The following QRICH1 variants were observed in gnomAD, a reference collection of about 807,000 sequenced individuals.
The protein encoded by QRICH1 is transcriptional regulator QRICH1.
QRICH1 carries 16 observed loss-of-function variants against 87.1 expected under a neutral mutation model. That is an observed-to-expected ratio of 0.18 (90% CI 0.12 to 0.28). QRICH1 has a LOEUF of 0.28. Ranked by LOEUF, QRICH1 falls within the 10% of genes least tolerant of loss-of-function variation. The probability of loss-of-function intolerance (pLI) is 1.00; values close to 1 mark genes in which losing one functional copy is unlikely to be tolerated. For missense variants in QRICH1, 647 were observed against 951.7 expected (o/e 0.68, Z 4.21); for synonymous variants, 367 against 368.4 (o/e 1.00, Z 0.05).
intron 2 of QRICH1, among the ~76,000 whole-genome samples, chr3:49,059,076 C>G (rs2093419784): frequency 6.6e-6 from 1 of 151,782 alleles, no homozygotes; most frequent in African/African-American, 2.4e-5. Context: ...ATTCTCCTGC[C>G]TCAGCCTCCC....
Position 49,033,241 on chromosome 3 carries a change from G to A in QRICH1, c.1787-13C>T. The A allele has an allele frequency of 2.7e-6, 4 of 1,495,412 alleles. No homozygotes were observed. The highest frequency in any genetic ancestry group is 3.6e-6 in the Non-Finnish European group (4 of 1,116,426). The allele number at this position is 1,495,412 out of a possible 1,614,324, so 92.6% of individuals were successfully genotyped here. A position where few individuals can be genotyped will look rare whatever the true frequency, so the allele number is the denominator to read the frequency against. ...GGCAAGACATAGCCTAGGAGGAATA[G>A]AGTACTGTCACAACAAGAGGATGGC... On this transcript the variant is annotated splice_polypyrimidine_tract_variant and intron_variant, in intron 6 of 9. Coordinates refer to ENST00000395443, the MANE Select transcript of QRICH1 (RefSeq NM_198880.3).
intron 4 of QRICH1, among the ~76,000 whole-genome samples, 161 bp from the exon 5 acceptor site, chr3:49,046,740 T>C (rs1209710741): frequency 1.3e-5 from 2 of 152,174 alleles, no homozygotes; most frequent in Non-Finnish European, 2.9e-5. Flanking sequence ...AACATGAGTA[T>C]ATGAGCCTAA....
At position 49,033,225 on chromosome 3, in the gene QRICH1, T is replaced by G; in HGVS notation, c.1790A>C (p.Tyr597Ser). ...CTCAGTCACGTGGCTGGGCAAGACATAGCCTAGGAGGAATAGAGTACTGTC... is the reference window on the plus strand; with the variant it reads ...CTCAGTCACGTGGCTGGGCAAGACAGAGCCTAGGAGGAATAGAGTACTGTC... Reference protein sequence around the residue: ...DVQPRVTPLGYVLPSHVTEEM... With the variant: ...DVQPRVTPLGSVLPSHVTEEM... The change falls in exon 7 of 10, where the codon TAT becomes TCT. Residue 597 changes from tyrosine (Y) to serine (S), a missense_variant. Around this residue, in one of 7 missense-constraint regions of QRICH1, gnomAD observed 187 missense variants for 309.5 expected, o/e 0.60. Coordinates refer to ENST00000395443, the MANE Select transcript of QRICH1 (RefSeq NM_198880.3). 6.4e-7 allele frequency: 1 copy of G among 1,554,456 alleles called. No homozygotes were observed. The highest frequency in any genetic ancestry group is 8.7e-7 in the Non-Finnish European group (1 of 1,151,854).
At position 49,070,472 on chromosome 3, in the gene QRICH1, C is replaced by T. The variant is rs150919688; in HGVS notation, c.309+6237G>A. On this transcript the variant is annotated intron_variant, in intron 2 of 9. Transcript: ENST00000395443. ...TGTTTTTTATAGAGACAGGGTCTTG[C>T]ACTTTTGCCCAGGATGGAGTGCAGT... Among the ~76,000 whole-genome samples the T allele has an allele frequency of 2.8e-3, 432 of 152,284 alleles. 7 individuals are homozygous for T. The Middle Eastern group carries it at 0.037, about 13-fold the overall frequency.
At chr3:49,037,073 T>TA (rs60963227) in intron 6 of QRICH1, among the ~76,000 whole-genome samples, 56,171 of 92,420 alleles carry the variant, frequency 0.61, 17,821 homozygotes, top group East Asian at 0.89. Flanking sequence ...CCCCGTCTCT[T>TA]AAAAAAAAAA....
intron 9 of QRICH1, among the ~76,000 whole-genome samples, chr3:49,030,926 A>G (rs1199080855): frequency 1.3e-5 from 2 of 149,808 alleles, no homozygotes; most frequent in Non-Finnish European, 3.0e-5. Flanking sequence ...GACTCATGTG[A>G]GTCTATCCTT....
Position 49,057,023 on chromosome 3 carries a change from T to A in QRICH1, c.1177A>T (p.Ile393Phe). Reference protein sequence around the residue: ...LFPAQFMNGNIHIPVAVQAVA... With the variant: ...LFPAQFMNGNFHIPVAVQAVA... ...GCCTGCACAGCCACTGGAATGTGGA[T>A]GTTGCCATTCATGAACTGTGCTGGA... Residue 393 changes from isoleucine to phenylalanine, a missense_variant, in exon 3 of 10, where the codon ATC becomes TTC. Physicochemically the swap from Ile to Phe is conservative, Grantham distance 21. Transcript: ENST00000395443. The surrounding 1 kb of genome is among the most constrained non-coding windows in gnomAD (Gnocchi z 5.4). 1 of 1,614,184 alleles carries A rather than the reference T, an allele frequency of 6.2e-7. No individual in the cohort carries two copies. The highest frequency in any genetic ancestry group is 8.5e-7 in the Non-Finnish European group (1 of 1,180,026).
intron 9 of QRICH1, among the ~76,000 whole-genome samples, chr3:49,031,129 G>A (rs2093235597): frequency 6.6e-6 from 1 of 151,740 alleles, no homozygotes; most frequent in African/African-American, 2.4e-5. Context: ...TGGAACCATA[G>A]GCACGAGCCA....
Position 49,033,220 on chromosome 3 carries a change from A to C in QRICH1, c.1795T>G (p.Leu599Val). ...QPRVTPLGYVLPSHVTEEMLW... is the reference protein window; with the variant it reads ...QPRVTPLGYVVPSHVTEEMLW... Reference sequence around the variant, plus strand: ...ATCTCCTCAGTCACGTGGCTGGGCAAGACATAGCCTAGGAGGAATAGAGTA... The same window carrying C: ...ATCTCCTCAGTCACGTGGCTGGGCACGACATAGCCTAGGAGGAATAGAGTA... The change falls in exon 7 of 10, where the codon TTG (leucine) becomes GTG (valine). Residue 599 changes from leucine to valine, a missense_variant. Physicochemically the swap from Leu to Val is conservative, Grantham distance 32. This residue lies in a region of QRICH1 where 187 missense variants were observed against 309.5 expected (regional missense o/e 0.60). Coordinates refer to ENST00000395443, the MANE Select transcript of QRICH1 (RefSeq NM_198880.3). The C allele has an allele frequency of 6.4e-7, 1 of 1,562,800 alleles. No homozygotes were observed. The highest frequency in any genetic ancestry group is 8.6e-7 in the Non-Finnish European group (1 of 1,156,342).
chr3:49,046,972 C>G (rs1392695213), intron 4 of QRICH1, 97 bp downstream of exon 4: 1 of 1,394,024 alleles, frequency 7.2e-7, no homozygotes, highest in Admixed American at 2.1e-5. Context: ...CTCTTGTCCC[C>G]AAGACAGGAG....
At chr3:49,045,029 G>A (rs1000240751) in intron 5 of QRICH1, among the ~76,000 whole-genome samples, 1 of 151,878 alleles carries the variant, frequency 6.6e-6, no homozygotes, top group Non-Finnish European at 1.5e-5. Flanking sequence ...CAACCAGTAA[G>A]CCCTATTCTA....
At chr3:49,054,701 T>A (rs2093390748) in intron 3 of QRICH1, among the ~76,000 whole-genome samples, 1 of 152,044 alleles carries the variant, frequency 6.6e-6, no homozygotes, top group South Asian at 2.1e-4. Context: ...GGCCAGGAGT[T>A]CAAGAGCAGC....
chr3:49,070,187 C>A (rs145524827), intron 2 of QRICH1, among the ~76,000 whole-genome samples: 2 of 152,126 alleles, frequency 1.3e-5, no homozygotes, highest in African/African-American at 4.8e-5. Flanking sequence ...TAGGCACCTG[C>A]CAACATGCCC....
chr3:49,068,875 C>T (rs2093483665), intron 2 of QRICH1, among the ~76,000 whole-genome samples: 1 of 151,852 alleles, frequency 6.6e-6, no homozygotes, highest in African/African-American at 2.4e-5. Flanking sequence ...AAGCAATCCA[C>T]TCACCTTGGC....
At chr3:49,081,896 C>G (rs1399206769) in intron 1 of QRICH1, among the ~76,000 whole-genome samples, 1 of 151,922 alleles carries the variant, frequency 6.6e-6, no homozygotes, top group Non-Finnish European at 1.5e-5. Context: ...CAACCTCTGT[C>G]TCCCGGGTCC....
At chr3:49,055,129 T>C (rs1469607619) in intron 3 of QRICH1, among the ~76,000 whole-genome samples, 9 of 152,218 alleles carry the variant, frequency 5.9e-5, no homozygotes, top group Non-Finnish European at 1.0e-4. Context: ...GCCCAACAGC[T>C]AGATATTTAG....
rs1407402934 is a variant in QRICH1 at position 49,076,439 on chromosome 3, G to A, written c.309+270C>T. Among the ~76,000 whole-genome samples the A allele has an allele frequency of 6.6e-6, 1 of 151,654 alleles. No individual in the cohort carries two copies. Among genetic ancestry groups the A allele is most frequent in the Non-Finnish European group, 1.5e-5 (1 of 67,970 alleles). On this transcript the variant is annotated intron_variant, in intron 2 of 9. Coordinates refer to ENST00000395443, the MANE Select transcript of QRICH1 (RefSeq NM_198880.3). ...ATGCTAAACCAATCATAGATGACCCGCTTCTGGGTTGGGGTTTCCTAGGTA... is the reference window on the plus strand; with the variant it reads ...ATGCTAAACCAATCATAGATGACCCACTTCTGGGTTGGGGTTTCCTAGGTA...
chr3:49,038,471 G>T (rs2093289295), intron 6 of QRICH1, among the ~76,000 whole-genome samples: 1 of 151,674 alleles, frequency 6.6e-6, no homozygotes, highest in Non-Finnish European at 1.5e-5. Flanking sequence ...GGAGTGCAAT[G>T]GTGTGATCTC....
Position 49,032,714 on chromosome 3 carries a change from C to T in QRICH1, c.1955G>A (p.Arg652Gln). The change falls in exon 8 of 10, where the codon CGA (arginine) becomes CAA (glutamine). Residue 652 changes from arginine (R) to glutamine (Q), a missense_variant. This residue lies in a region of QRICH1 where 187 missense variants were observed against 309.5 expected (regional missense o/e 0.60). Coordinates refer to ENST00000395443, the MANE Select transcript of QRICH1 (RefSeq NM_198880.3). ...ATTAGAGGGGTTCTTCTTTGTCTGTCGCAAGACCTTGGAGAAGGCCAGCTT... is the reference window on the plus strand; with the variant it reads ...ATTAGAGGGGTTCTTCTTTGTCTGTTGCAAGACCTTGGAGAAGGCCAGCTT... ...HMKLAFSKVL[R>Q]QTKKNPSNPK... 6.2e-7 allele frequency: 1 copy of T among 1,611,776 alleles called. No individual in the cohort carries two copies. The highest frequency in any genetic ancestry group is 8.5e-7 in the Non-Finnish European group (1 of 1,179,264).
Sources: allele counts gnomAD v4.1 joint callset (sites outside exome capture counted in the v4.1 genomes callset), GRCh38; gene constraint gnomAD v4.1.1; regional missense constraint gnomAD v4.1.1; non-coding constraint Gnocchi (gnomAD v3.1); transcripts MANE v1.5; gene names NCBI Gene and HGNC (gene_info 2026-07-23, HGNC 2026-07-21).